PSTPIP2: variants seen among roughly 807,000 people sequenced by gnomAD.
The protein encoded by PSTPIP2 is proline-serine-threonine phosphatase interacting protein 2.
PSTPIP2 carries 33 observed loss-of-function variants against 63.3 expected under a neutral mutation model. That is an observed-to-expected ratio of 0.52 (90% confidence interval 0.40 to 0.70). The LOEUF (loss-of-function observed/expected upper bound fraction) is 0.70, where lower values mean the gene tolerates loss of function less well. Ranked by LOEUF, PSTPIP2 falls within the 30% of genes least tolerant of loss-of-function variation. The pLI is 0.00. For missense variants in PSTPIP2, 312 were observed against 400.7 expected, an observed-to-expected ratio of 0.78 and a Z score of 1.89; for synonymous variants, 125 against 132.7, an observed-to-expected ratio of 0.94 and a Z score of 0.40.
intron 14 of PSTPIP2, among the ~76,000 whole-genome samples, chr18:45,987,768 T>A (rs745725914): frequency 5.3e-5 from 8 of 152,204 alleles, no homozygotes; most frequent in Non-Finnish European, 7.3e-5. Context: ...TCTGAGGCAT[T>A]TCTTCACATC....
intron 1 of PSTPIP2, among the ~76,000 whole-genome samples, chr18:46,055,424 G>T (rs537525589): frequency 1.3e-5 from 2 of 152,278 alleles, no homozygotes; most frequent in African/African-American, 4.8e-5. Flanking sequence ...GGGCTCAAGT[G>T]ATCCTCCCAC....
At chr18:46,028,482 G>GA (rs1907674287) in intron 2 of PSTPIP2, 1 of 623,056 alleles carries the variant, frequency 1.6e-6, no homozygotes, top group Admixed American at 1.9e-5. Flanking sequence ...GTGCCTGGAG[G>GA]AGCTGGTCTT....
chr18:46,006,830 T>A (rs1419212316), intron 5 of PSTPIP2, among the ~76,000 whole-genome samples: 1 of 152,236 alleles, frequency 6.6e-6, no homozygotes, highest in Non-Finnish European at 1.5e-5. Context: ...CTTCCATTTA[T>A]CAAGCACTTA....
chr18:46,027,797 T>C (rs547757054), intron 2 of PSTPIP2, among the ~76,000 whole-genome samples: 2 of 152,244 alleles, frequency 1.3e-5, no homozygotes, highest in South Asian at 4.1e-4. Flanking sequence ...ATTGAAATAA[T>C]AGTCTCTTTA....
At chr18:45,988,805 A>G (rs1451422030) in intron 13 of PSTPIP2, 46 bp from the exon 14 acceptor site, 3 of 1,455,400 alleles carry the variant, frequency 2.1e-6, no homozygotes, top group Admixed American at 1.7e-5. Context: ...TCAATTTTTC[A>G]TAATAAGATC....
intron 6 of PSTPIP2, among the ~76,000 whole-genome samples, chr18:46,000,613 C>T (rs1293072503): frequency 6.6e-6 from 1 of 152,194 alleles, no homozygotes; most frequent in African/African-American, 2.4e-5. Context: ...GGTGATCCAC[C>T]CGCCTCGGCC....
At chr18:46,051,095 C>T (rs1908566961) in intron 1 of PSTPIP2, among the ~76,000 whole-genome samples, 1 of 152,184 alleles carries the variant, frequency 6.6e-6, no homozygotes, top group Non-Finnish European at 1.5e-5. Flanking sequence ...TACTCCTGAC[C>T]TCAGGTGATC....
chr18:46,029,016 A>G (rs1907695271), intron 2 of PSTPIP2: 1 of 827,982 alleles, frequency 1.2e-6, no homozygotes, highest in Admixed American at 1.7e-5. Flanking sequence ...TGGTCGCTGG[A>G]TTAGATAACC....
At chr18:46,010,150 G>T (rs930140555) in intron 5 of PSTPIP2, among the ~76,000 whole-genome samples, 3 of 152,182 alleles carry the variant, frequency 2.0e-5, no homozygotes, top group African/African-American at 4.8e-5. Context: ...GCCAGTGGCC[G>T]CCAGGGAAGC....
intron 2 of PSTPIP2, among the ~76,000 whole-genome samples, chr18:46,038,951 A>C (rs1315946515): frequency 6.6e-6 from 1 of 152,226 alleles, no homozygotes; most frequent in Non-Finnish European, 1.5e-5. Context: ...AGCCTGACCA[A>C]CATGGAGAAA....
intron 3 of PSTPIP2, among the ~76,000 whole-genome samples, chr18:46,020,211 CCA>C (rs1325523345): frequency 6.6e-6 from 1 of 152,182 alleles, no homozygotes; most frequent in Non-Finnish European, 1.5e-5. Flanking sequence ...CCTCTCTTCT[CCA>C]CAGTGTTCTC....
chr18:46,046,063 A>G (rs1454548277), intron 1 of PSTPIP2, among the ~76,000 whole-genome samples: 1 of 152,254 alleles, frequency 6.6e-6, no homozygotes, highest in Non-Finnish European at 1.5e-5. Flanking sequence ...ACTCACTTAT[A>G]TATGGTCAAC....
intron 1 of PSTPIP2, 107 bp downstream of exon 1, chr18:46,072,049 G>A: frequency 1.5e-6 from 2 of 1,359,922 alleles, no homozygotes; most frequent in Non-Finnish European, 1.9e-6. Context: ...CGGGCGCGCG[G>A]TCACCGAGTG....
chr18:46,028,876 T>A (rs1907689697), intron 2 of PSTPIP2: 1 of 1,584,886 alleles, frequency 6.3e-7, no homozygotes, highest in African/African-American at 1.3e-5. Flanking sequence ...GACTGGGAAT[T>A]TCATATCCAC....
At chr18:46,055,349 C>G (rs1010263779) in intron 1 of PSTPIP2, among the ~76,000 whole-genome samples, 5 of 152,100 alleles carry the variant, frequency 3.3e-5, no homozygotes, top group Non-Finnish European at 7.4e-5. Context: ...TTAATTTGTA[C>G]TTTGTATAGT....
chr18:46,012,336 T>C (rs1158827873), intron 4 of PSTPIP2, among the ~76,000 whole-genome samples: 1 of 152,034 alleles, frequency 6.6e-6, no homozygotes, highest in Non-Finnish European at 1.5e-5. Context: ...ATTTTTTAAA[T>C]GTAAAAGAAC....
intron 2 of PSTPIP2, among the ~76,000 whole-genome samples, chr18:46,031,032 CAG>C (rs1907773100): frequency 6.6e-6 from 1 of 152,162 alleles, no homozygotes; most frequent in South Asian, 2.1e-4. Context: ...TACTGTGTAT[CAG>C]AGTTTCCTGG....
intron 6 of PSTPIP2, among the ~76,000 whole-genome samples, chr18:46,000,117 C>T (rs896750434): frequency 6.6e-5 from 10 of 151,988 alleles, no homozygotes; most frequent in Non-Finnish European, 8.8e-5. Flanking sequence ...CCAGCCTGGG[C>T]GAAAGGGTGA....
chr18:46,030,445 A>G (rs1907750678), intron 2 of PSTPIP2, among the ~76,000 whole-genome samples: 1 of 152,186 alleles, frequency 6.6e-6, no homozygotes, highest in African/African-American at 2.4e-5. Context: ...GTTTGACAGC[A>G]TGCCGGAAGT....
Sources: allele counts gnomAD v4.1 joint callset (sites outside exome capture counted in the v4.1 genomes callset), GRCh38; gene constraint gnomAD v4.1.1; transcripts MANE v1.5; gene names NCBI Gene and HGNC (gene_info 2026-07-23, HGNC 2026-07-21).